FARS2: variants seen among roughly 807,000 people sequenced by gnomAD.
FARS2 encodes the protein phenylalanine--tRNA ligase, mitochondrial.
In FARS2, 40 loss-of-function variants were observed where a neutral mutation model predicts 46.4. The ratio of observed to expected loss-of-function variants is 0.86; its 90% CI spans 0.67 to 1.12. FARS2 has a LOEUF of 1.12. Among genes scored for constraint, FARS2 ranks in the 50% most tolerant of loss-of-function variants. The probability of loss-of-function intolerance (pLI) is 0.00; values close to 1 mark genes in which losing one functional copy is unlikely to be tolerated. For missense variants in FARS2, 513 were observed against 567.9 expected (o/e 0.90, Z 0.98); for synonymous variants, 234 against 214.9 (o/e 1.09, Z -0.78).
intron 4 of FARS2, chr6:5,466,934 C>T (rs1219393982): frequency 1.3e-5 from 13 of 985,298 alleles, no homozygotes; most frequent in Non-Finnish European, 1.4e-5. Flanking sequence ...TGACTTCTCT[C>T]TTTACTAGCA....
intron 6 of FARS2, among the ~76,000 whole-genome samples, chr6:5,758,823 C>T (rs1253360492): frequency 6.6e-6 from 1 of 151,996 alleles, no homozygotes; most frequent in African/African-American, 2.4e-5. Context: ...TTCTGAGGAG[C>T]GGATGGGAAA....
At chr6:5,654,688 C>G (rs1026962277) in intron 6 of FARS2, among the ~76,000 whole-genome samples, 1 of 152,136 alleles carries the variant, frequency 6.6e-6, no homozygotes, top group Non-Finnish European at 1.5e-5. Flanking sequence ...TGAGACCCCT[C>G]GGTGGGAGGT....
intron 6 of FARS2, among the ~76,000 whole-genome samples, chr6:5,679,533 G>A (rs1488657929): frequency 1.3e-5 from 2 of 152,148 alleles, no homozygotes. Context: ...TCCCTGGGTT[G>A]TTAACATGTC....
At chr6:5,405,480 C>CTGTTTTTTTTTTTTT (rs1761518496) in intron 3 of FARS2, among the ~76,000 whole-genome samples, 1 of 58,946 alleles carries the variant, frequency 1.7e-5, no homozygotes, top group Non-Finnish European at 3.1e-5. Context: ...GAGCAAGGTT[C>CTGTTTTTTTTTTTTT]TTTTTTTTTT....
At chr6:5,755,392 A>G (rs572974902) in intron 6 of FARS2, among the ~76,000 whole-genome samples, 1 of 149,104 alleles carries the variant, frequency 6.7e-6, no homozygotes, top group African/African-American at 2.5e-5. Context: ...CCCTGGGTCC[A>G]TGTGTTCTCA....
chr6:5,551,900 A>G (rs1237416004), intron 5 of FARS2, among the ~76,000 whole-genome samples: 1 of 152,212 alleles, frequency 6.6e-6, no homozygotes, highest in Non-Finnish European at 1.5e-5. Context: ...TCTTCTGATT[A>G]CATGGAACCC....
chr6:5,646,341 C>G lies in FARS2; in HGVS notation c.1217+33021C>G, dbSNP rs75229065. On this transcript the variant is annotated intron_variant, in intron 6 of 6. Coordinates refer to ENST00000274680, the MANE Select transcript of FARS2 (RefSeq NM_006567.5). ...TATATGCAGGCTGTAGTGGTTCTGA[C>G]GAACGAGCTGTGGTGTGACCTTCGA... Among the ~76,000 whole-genome samples, 998 of 152,230 alleles carry G rather than the reference C, an allele frequency of 6.6e-3. 6 individuals are homozygous for G. The highest frequency in any genetic ancestry group is 0.014 in the South Asian group (67 of 4,820).
intron 5 of FARS2, among the ~76,000 whole-genome samples, chr6:5,576,594 T>C (rs1356098350): frequency 6.8e-6 from 1 of 147,292 alleles, no homozygotes; most frequent in Non-Finnish European, 1.5e-5. Flanking sequence ...ATACTCTATA[T>C]ATGATATATT....
chr6:5,537,274 C>T (rs984637501), intron 4 of FARS2, among the ~76,000 whole-genome samples: 2 of 152,236 alleles, frequency 1.3e-5, no homozygotes, highest in African/African-American at 2.4e-5. Context: ...ACCCCTTCCC[C>T]AGTGCCTTCC....
intron 3 of FARS2, among the ~76,000 whole-genome samples, chr6:5,418,795 C>G (rs1415502220): frequency 6.6e-6 from 1 of 152,166 alleles, no homozygotes; most frequent in Non-Finnish European, 1.5e-5. Flanking sequence ...CTCCTTAGGT[C>G]TCACCCCTCT....
chr6:5,565,323 C>G (rs1220456629), intron 5 of FARS2, among the ~76,000 whole-genome samples: 1 of 152,122 alleles, frequency 6.6e-6, no homozygotes, highest in East Asian at 1.9e-4. Flanking sequence ...TTTTGTTTTG[C>G]TTGAGATTTG....
Position 5,311,187 on chromosome 6 carries a change from CAGAG to C in FARS2, c.-22+49530_-22+49533del, listed in dbSNP as rs1215069315. On this transcript the variant is annotated intron_variant, in intron 1 of 6. Coordinates refer to ENST00000274680, the MANE Select transcript of FARS2 (RefSeq NM_006567.5). This position sits in a 1 kb window ranked among gnomAD's most constrained non-coding sequence, Gnocchi z 4.1. ...AGTGAAGAGGATTTGTATGTGCTGT[CAGAG>C]AGGGAATTCCAGTGCATTTTGTTAT... 6.6e-6 allele frequency among the ~76,000 whole-genome samples: 1 copy of C among 152,162 alleles called. No homozygotes were observed. Among genetic ancestry groups the C allele is most frequent in the Non-Finnish European group, 1.5e-5 (1 of 68,044 alleles).
At chr6:5,255,585 T>G in the FARS2 span, among the ~76,000 whole-genome samples, 1 of 152,204 alleles carries the variant, frequency 6.6e-6, no homozygotes, top group African/African-American at 2.4e-5. Flanking sequence ...GTAAAAGGCC[T>G]AAGACCAGTT....
chr6:5,752,433 A>G (rs1761999530), intron 6 of FARS2, among the ~76,000 whole-genome samples: 2 of 152,212 alleles, frequency 1.3e-5, no homozygotes, highest in South Asian at 4.1e-4. Context: ...TTGATCTTAC[A>G]CGACAGTGAC....
chr6:5,614,595 T>C (rs1775371782), intron 6 of FARS2, among the ~76,000 whole-genome samples: 1 of 152,174 alleles, frequency 6.6e-6, no homozygotes, highest in Admixed American at 6.5e-5. Context: ...TATTTTTTAG[T>C]AGAGACAGGG....
chr6:5,279,144 T>C (rs896075598), intron 1 of FARS2, among the ~76,000 whole-genome samples: 2 of 152,064 alleles, frequency 1.3e-5, no homozygotes. Flanking sequence ...TTGGGAGGCC[T>C]AGGCGGGCGG....
intron 4 of FARS2, among the ~76,000 whole-genome samples, chr6:5,447,301 G>A (rs1386803966): frequency 1.3e-5 from 2 of 152,168 alleles, no homozygotes; most frequent in Non-Finnish European, 2.9e-5. Context: ...TGTGCAAGGG[G>A]ACCACCTTCT....
intron 6 of FARS2, among the ~76,000 whole-genome samples, chr6:5,700,404 G>A (rs555562279): frequency 1.6e-4 from 24 of 152,012 alleles, no homozygotes; most frequent in African/African-American, 5.5e-4. Context: ...CAGTAGCAGT[G>A]GCAATTTCTT....
chr6:5,421,890 T>C (rs2432756), intron 3 of FARS2, among the ~76,000 whole-genome samples: 121,004 of 152,164 alleles, frequency 0.8, 48,818 homozygotes, highest in African/African-American at 0.93. Flanking sequence ...TCTGAGCTCT[T>C]CAAACTATTC....
Sources: allele counts gnomAD v4.1 joint callset (sites outside exome capture counted in the v4.1 genomes callset), GRCh38; gene constraint gnomAD v4.1.1; non-coding constraint Gnocchi (gnomAD v3.1); transcripts MANE v1.5; gene names NCBI Gene and HGNC (gene_info 2026-07-23, HGNC 2026-07-21).